ITPR2: variants seen among roughly 807,000 people sequenced by gnomAD.
ITPR2 encodes the protein inositol 1,4,5-trisphosphate receptor type 2.
In ITPR2, 207 loss-of-function variants were observed where a neutral mutation model predicts 317.1. The ratio of observed to expected loss-of-function variants is 0.65; its 90% CI spans 0.58 to 0.73. The LOEUF (loss-of-function observed/expected upper bound fraction) is 0.73, where lower values mean the gene tolerates loss of function less well. Ranked by LOEUF, ITPR2 falls within the 30% of genes least tolerant of loss-of-function variation. The pLI is 0.00. For missense variants in ITPR2, 2,613 were observed against 3,284.0 expected (o/e 0.80, Z 4.99); for synonymous variants, 1,156 against 1,149.1 (o/e 1.01, Z -0.12).
At chr12:26,565,371 G>T (rs1213633267) in intron 34 of ITPR2, among the ~76,000 whole-genome samples, 1 of 151,840 alleles carries the variant, frequency 6.6e-6, no homozygotes, top group Non-Finnish European at 1.5e-5. Flanking sequence ...GGTTATAGCA[G>T]AACTATAAAG....
chr12:26,801,631 C>T (rs943258357), intron 1 of ITPR2, among the ~76,000 whole-genome samples: 1 of 152,110 alleles, frequency 6.6e-6, no homozygotes, highest in Non-Finnish European at 1.5e-5. Flanking sequence ...CAGGCCCTGA[C>T]CTCTCTCTCA....
chr12:26,367,433 T>C (rs942407949), intron 55 of ITPR2, among the ~76,000 whole-genome samples: 4 of 152,148 alleles, frequency 2.6e-5, no homozygotes, highest in African/African-American at 9.7e-5. Flanking sequence ...TTATTAAAGA[T>C]GATGTAATCT....
At chr12:26,342,862 G>C (rs1444990460) in intron 55 of ITPR2, among the ~76,000 whole-genome samples, 2 of 151,946 alleles carry the variant, frequency 1.3e-5, no homozygotes, top group African/African-American at 2.4e-5. Flanking sequence ...GCCTGCCTCG[G>C]CTTCCCAAAG....
chr12:26,490,756 T>C (rs546106433), intron 39 of ITPR2, among the ~76,000 whole-genome samples: 108 of 152,322 alleles, frequency 7.1e-4, no homozygotes, highest in Middle Eastern at 3.4e-3. Context: ...GAAGTTGAAG[T>C]GAGCCGCTAT....
intron 34 of ITPR2, among the ~76,000 whole-genome samples, chr12:26,569,033 T>TTA (rs1945084725): frequency 6.6e-6 from 1 of 152,124 alleles, no homozygotes; most frequent in African/African-American, 2.4e-5. Context: ...GTTCCACACC[T>TTA]TATACCTCAC....
chr12:26,427,057 A>G (rs968709096), intron 49 of ITPR2, among the ~76,000 whole-genome samples: 2 of 152,036 alleles, frequency 1.3e-5, no homozygotes, highest in Non-Finnish European at 2.9e-5. Context: ...TGTTCTTGAT[A>G]CTGAATGATC....
chr12:26,671,297 G>A (rs1364253589), intron 13 of ITPR2, among the ~76,000 whole-genome samples: 1 of 152,230 alleles, frequency 6.6e-6, no homozygotes, highest in African/African-American at 2.4e-5. Context: ...GGCAGCCAGA[G>A]AGAAAGGTTG....
intron 45 of ITPR2, among the ~76,000 whole-genome samples, chr12:26,459,214 C>A (rs1941957929): frequency 6.6e-6 from 1 of 152,316 alleles, no homozygotes; most frequent in African/African-American, 2.4e-5. Flanking sequence ...ATTTAGGGAA[C>A]AAATAACACA....
At chr12:26,711,421 T>C (rs1346958285) in intron 8 of ITPR2, among the ~76,000 whole-genome samples, 153 bp from the exon 9 acceptor site, 1 of 152,154 alleles carries the variant, frequency 6.6e-6, no homozygotes, top group Non-Finnish European at 1.5e-5. Flanking sequence ...AAAAACAAAA[T>C]TCCCCATAAA....
intron 55 of ITPR2, among the ~76,000 whole-genome samples, chr12:26,375,174 C>G (rs1382643868): frequency 6.6e-6 from 1 of 152,132 alleles, no homozygotes; most frequent in Non-Finnish European, 1.5e-5. Flanking sequence ...ATTATTATTC[C>G]AGAAAGCCAA....
chr12:26,497,155 C>CTT (rs573079284), intron 37 of ITPR2, among the ~76,000 whole-genome samples: 8,467 of 134,370 alleles, frequency 0.063, 368 homozygotes, highest in South Asian at 0.12. Context: ...ATTTCTCTCT[C>CTT]TTTTTTTTTT....
chr12:26,719,705 A>T (rs7976769), intron 5 of ITPR2, among the ~76,000 whole-genome samples: 1,989 of 152,200 alleles, frequency 0.013, 46 homozygotes, highest in African/African-American at 0.046. Context: ...TGCACCCATT[A>T]ACTCGTCATT....
At chr12:26,391,566 T>TTC (rs1464127323) in intron 54 of ITPR2, among the ~76,000 whole-genome samples, 1 of 128,478 alleles carries the variant, frequency 7.8e-6, no homozygotes, top group African/African-American at 3.0e-5. Flanking sequence ...CTTTTTTTTT[T>TTC]TTTTTTTTTT....
chr12:26,468,768 A>G (rs183193395), intron 45 of ITPR2, among the ~76,000 whole-genome samples: 34 of 152,260 alleles, frequency 2.2e-4, no homozygotes, highest in African/African-American at 7.9e-4. Context: ...TCATCCCTCA[A>G]TTATTCACTC....
Position 26,494,225 on chromosome 12 carries a change from T to C in ITPR2, c.5298A>G (p.Lys1766=), listed in dbSNP as rs1275465438. The change falls in exon 39 of 57, where the codon AAA becomes AAG. Residue 1766 remains lysine (K), a synonymous_variant. Transcript: ENST00000381340. The stretch of plus-strand genomic sequence containing the variant: ...TGCCTTCTGAAAAAATTCTGTCATT[T>C]TTGGTGTTCACTATAACATCGATGA... ...ELVIDVIVNT[K]NDRIFSEGIF... The C allele has an allele frequency of 3.1e-6, 5 of 1,613,358 alleles. No homozygotes were observed. Among genetic ancestry groups the C allele is most frequent in the African/African-American group, 1.3e-5 (1 of 74,838 alleles).
chr12:26,376,347 C>G (rs764842915), intron 55 of ITPR2, among the ~76,000 whole-genome samples: 2 of 152,150 alleles, frequency 1.3e-5, no homozygotes, highest in Non-Finnish European at 2.9e-5. Flanking sequence ...CCTGTGGAAC[C>G]CTTTCCCTCT....
rs1177233376 is a variant in ITPR2, at chr12:26,782,037, T to TAG, written c.163+8118_163+8119dup. On this transcript the variant is annotated intron_variant, in intron 2 of 56. Transcript: ENST00000381340. ...ATATATATATATATATATATATGTA[T>TAG]AGAGAGAGAGAGAGAGAGAGAGAGA... Among the ~76,000 whole-genome samples, 289 of 51,672 alleles carry TAG rather than the reference T, an allele frequency of 5.6e-3. 3 individuals carry two copies. The highest frequency in any genetic ancestry group is 0.02 in the South Asian group (19 of 958). The allele number at this position is 51,672 out of a possible 152,430, so 33.9% of individuals were successfully genotyped here. A position where few individuals can be genotyped will look rare whatever the true frequency, so the allele number is the denominator to read the frequency against.
chr12:26,592,262 A>G (rs1328812520), intron 32 of ITPR2, among the ~76,000 whole-genome samples: 1 of 152,336 alleles, frequency 6.6e-6, no homozygotes, highest in East Asian at 1.9e-4. Context: ...TAGGAAGGGT[A>G]GTGGGGCAGA....
intron 55 of ITPR2, among the ~76,000 whole-genome samples, chr12:26,356,611 C>T (rs1938649083): frequency 6.6e-6 from 1 of 152,198 alleles, no homozygotes; most frequent in Non-Finnish European, 1.5e-5. Context: ...GTTGATCATG[C>T]AGTAGGTGCT....
Sources: allele counts gnomAD v4.1 joint callset (sites outside exome capture counted in the v4.1 genomes callset), GRCh38; gene constraint gnomAD v4.1.1; transcripts MANE v1.5; gene names NCBI Gene and HGNC (gene_info 2026-07-23, HGNC 2026-07-21).